The following RBM34 variants were observed in gnomAD, a reference collection of about 807,000 sequenced individuals.
The protein encoded by RBM34 is RNA binding motif protein 34, also known as RNA-binding protein 34.
In RBM34, 39 loss-of-function variants were observed where a neutral mutation model predicts 44.6. That is an observed-to-expected ratio of 0.87 (90% confidence interval 0.68 to 1.14). RBM34 has a LOEUF of 1.14. Among genes scored for constraint, RBM34 ranks in the 50% most tolerant of loss-of-function variants. The probability of loss-of-function intolerance (pLI) is 0.00; values close to 1 mark genes in which losing one functional copy is unlikely to be tolerated. For synonymous variants in RBM34, 194 were observed against 184.0 expected, an observed-to-expected ratio of 1.05 and a Z score of -0.44; for missense variants, 572 against 517.9, an observed-to-expected ratio of 1.10 and a Z score of -1.01.
At position 235,135,714 on chromosome 1, in the gene RBM34, C is replaced by A. The variant is rs368049743; in HGVS notation, c.946G>T (p.Val316Leu). 2 of 1,614,202 alleles carry A rather than the reference C, an allele frequency of 1.2e-6. No homozygotes were observed. Among genetic ancestry groups the A allele is most frequent in the African/African-American group, 1.3e-5 (1 of 75,040 alleles). The part of the protein sequence containing the change: ...HFLDCGSIMA[V>L]RIVRDKMTGI... Reference sequence around the variant, plus strand: ...GTCATTTTGTCTCTCACAATCCTCACGGCCATGATACTTCCACAGTCCAGA... The same window carrying A: ...GTCATTTTGTCTCTCACAATCCTCAAGGCCATGATACTTCCACAGTCCAGA... The change falls in exon 10 of 11, where the codon GTG becomes TTG. Residue 316 changes from valine to leucine, a missense_variant. Coordinates refer to ENST00000408888, the MANE Select transcript of RBM34 (RefSeq NM_015014.4).
At chr1:235,147,492 T>C (rs1326519664) in intron 6 of RBM34, among the ~76,000 whole-genome samples, 1 of 152,202 alleles carries the variant, frequency 6.6e-6, no homozygotes, top group Non-Finnish European at 1.5e-5. Context: ...CACTGAACAA[T>C]GCCTGGTATC....
chr1:235,157,213 T>C (rs537459476), intron 3 of RBM34, among the ~76,000 whole-genome samples: 151 of 152,066 alleles, frequency 9.9e-4, no homozygotes, highest in African/African-American at 3.4e-3. Context: ...GAGGATAAGG[T>C]TGGAGAAGGG....
At chr1:235,160,754 T>G (rs1044550387) in intron 2 of RBM34, 107 bp from the exon 3 acceptor site, 61 of 1,500,894 alleles carry the variant, frequency 4.1e-5, no homozygotes, top group Admixed American at 1.2e-4. Flanking sequence ...CTCACTGGTA[T>G]GTAAGAGTCA....
intron 3 of RBM34, chr1:235,160,089 A>G (rs1558151686): frequency 9.6e-6 from 3 of 312,318 alleles, no homozygotes; most frequent in Non-Finnish European, 1.9e-5. Flanking sequence ...CCCTGTCTCC[A>G]CTAAAAATAC....
Position 235,131,931 on chromosome 1 carries a change from C to G in RBM34, c.1075G>C (p.Val359Leu). 1.2e-6 allele frequency: 2 copies of G among 1,612,586 alleles called. No individual in the cohort carries two copies. Among genetic ancestry groups the G allele is most frequent in the Non-Finnish European group, 1.7e-6 (2 of 1,178,966 alleles). ...TTTTCTTTATTAACAGAACGCATGA[C>G]TCTGAGTTTTCTCCCCATGAGTTCA... ...NSELMGRKLRVMRSVNKEKFK... is the reference protein window; with the variant it reads ...NSELMGRKLRLMRSVNKEKFK... The change falls in exon 11 of 11, where the codon GTC becomes CTC. Residue 359 changes from valine (V) to leucine (L), a missense_variant. By Grantham distance (32) the Val-to-Leu change is conservative (BLOSUM62 1). Transcript: ENST00000408888.
intron 6 of RBM34, among the ~76,000 whole-genome samples, chr1:235,145,813 G>T (rs1021448388): frequency 3.3e-5 from 5 of 151,998 alleles, no homozygotes; most frequent in Non-Finnish European, 7.4e-5. Flanking sequence ...GAGAGAGCGG[G>T]TCTTGCTTGT....
intron 3 of RBM34, among the ~76,000 whole-genome samples, chr1:235,158,752 G>A (rs967649953): frequency 1.3e-5 from 2 of 152,114 alleles, no homozygotes; most frequent in Admixed American, 6.6e-5. Flanking sequence ...AAAGAAGAGA[G>A]GAATGAAGAC....
intron 5 of RBM34, among the ~76,000 whole-genome samples, chr1:235,152,283 T>A (rs746966188): frequency 2.0e-5 from 3 of 152,196 alleles, no homozygotes; most frequent in Admixed American, 6.5e-5. Context: ...TAAATTGACA[T>A]AAATTCTTTA....
chr1:235,149,729 C>G, intron 5 of RBM34, among the ~76,000 whole-genome samples: 1 of 152,220 alleles, frequency 6.6e-6, no homozygotes, highest in Non-Finnish European at 1.5e-5. Context: ...CAAATGCAAC[C>G]AGGTACTGAG....
Position 235,145,941 on chromosome 1 carries a change from A to G in RBM34, c.701+2463T>C, listed in dbSNP as rs573244004. ...GCTGGGACTACAGACACGTGCCTCC[A>G]TGACCAGCTAAAATATTACAGCAGG... On this transcript the variant is annotated intron_variant, in intron 6 of 10. Transcript: ENST00000408888. Among the ~76,000 whole-genome samples, 10 of 146,742 alleles carry G rather than the reference A, an allele frequency of 6.8e-5. No homozygotes were observed. The East Asian group carries it at 1.6e-3, about 23-fold the overall frequency.
intron 6 of RBM34, among the ~76,000 whole-genome samples, chr1:235,148,126 A>G (rs1189615012): frequency 6.6e-6 from 1 of 152,200 alleles, no homozygotes; most frequent in Non-Finnish European, 1.5e-5. Context: ...AAATTTAGGC[A>G]TGAAGCTTTA....
intron 6 of RBM34, among the ~76,000 whole-genome samples, chr1:235,146,334 A>G (rs1661905595): frequency 6.6e-6 from 1 of 152,206 alleles, no homozygotes; most frequent in African/African-American, 2.4e-5. Flanking sequence ...AGGCACACCT[A>G]GAGAATACTC....
Position 235,155,106 on chromosome 1 carries a change from G to GC in RBM34, c.371dup (p.Ser124ArgfsTer7). The GC allele has an allele frequency of 6.2e-7, 1 of 1,609,984 alleles. No individual in the cohort carries two copies. The highest frequency in any genetic ancestry group is 2.2e-5 in the East Asian group (1 of 44,848). On this transcript the variant is annotated frameshift_variant, in exon 4 of 11. Coordinates refer to ENST00000408888, the MANE Select transcript of RBM34 (RefSeq NM_015014.4). LOFTEE classifies it high-confidence loss of function. Reference sequence around the variant, plus strand: ...CTTCTAAATCAGCACTCGCTAGAGCGCTTTCCCTTTTTAAGGCAAAAAATA... The same window carrying GC: ...CTTCTAAATCAGCACTCGCTAGAGCGCCTTTCCCTTTTTAAGGCAAAAAATA...
chr1:235,148,132 C>T, intron 6 of RBM34, among the ~76,000 whole-genome samples: 1 of 152,190 alleles, frequency 6.6e-6, no homozygotes, highest in East Asian at 1.9e-4. Flanking sequence ...AGGCATGAAG[C>T]TTTACACTCT....
intron 3 of RBM34, among the ~76,000 whole-genome samples, chr1:235,156,893 A>G (rs559028906): frequency 9.1e-4 from 139 of 152,244 alleles, no homozygotes; most frequent in Non-Finnish European, 1.6e-3. Context: ...GTATGCAAAC[A>G]TAAACGAGAA....
At position 235,157,312 on chromosome 1, in the gene RBM34, C is replaced by T. The variant is rs1662492464; in HGVS notation, c.366-2200G>A. 3.3e-5 allele frequency among the ~76,000 whole-genome samples: 5 copies of T among 152,052 alleles called. No individual in the cohort carries two copies. The South Asian group carries it at 6.2e-4, about 19-fold the overall frequency. On this transcript the variant is annotated intron_variant, in intron 3 of 10. Coordinates refer to ENST00000408888, the MANE Select transcript of RBM34 (RefSeq NM_015014.4). ...AGGGAAGGAGGTGAAGACGAAAAGG[C>T]AGATTAAAGAGATAATTAAAAAACA...
At chr1:235,149,581 A>T (rs1535405) in intron 5 of RBM34, among the ~76,000 whole-genome samples, 150,415 of 152,288 alleles carry the variant, frequency 0.99, 74,297 homozygotes, top group East Asian at 1. Flanking sequence ...CATGCAGGTA[A>T]GGGAATCCCC....
In RBM34 at chr1:235,138,183, A is replaced by G; in HGVS notation, c.702-9T>C. ...CAGGATGAATTTTACGTCTACACCA[A>G]AAAAAAAAAAAGAAAGAAAGAAAAG... On this transcript the variant is annotated splice_polypyrimidine_tract_variant and intron_variant, in intron 6 of 10. Coordinates refer to ENST00000408888, the MANE Select transcript of RBM34 (RefSeq NM_015014.4). The G allele has an allele frequency of 3.6e-6, 2 of 550,032 alleles. No individual in the cohort carries two copies. The highest frequency in any genetic ancestry group is 4.2e-5 in the South Asian group (1 of 23,866). The allele number at this position is 550,032 out of a possible 1,614,324, so 34.1% of individuals were successfully genotyped here. A position where few individuals can be genotyped will look rare whatever the true frequency, so the allele number is the denominator to read the frequency against.
chr1:235,156,898 C>T (rs1444550966), intron 3 of RBM34, among the ~76,000 whole-genome samples: 4 of 152,156 alleles, frequency 2.6e-5, no homozygotes, highest in South Asian at 2.1e-4. Flanking sequence ...CAAACATAAA[C>T]GAGAAAGGCT....
Sources: allele counts gnomAD v4.1 joint callset (sites outside exome capture counted in the v4.1 genomes callset), GRCh38; gene constraint gnomAD v4.1.1; transcripts MANE v1.5; gene names NCBI Gene and HGNC (gene_info 2026-07-23, HGNC 2026-07-21).